The following KIF12 variants were observed in gnomAD, a reference collection of about 807,000 sequenced individuals.
KIF12 encodes kinesin-like protein KIF12.
Under a neutral mutation model 87.9 loss-of-function variants are expected in KIF12, and 80 were observed. The observed-to-expected ratio is 0.91, with a 90% CI of 0.76 to 1.10. The LOEUF (loss-of-function observed/expected upper bound fraction) is 1.10, where lower values mean the gene tolerates loss of function less well. Ranked by LOEUF, KIF12 falls within the 50% of genes least tolerant of loss-of-function variation. The pLI is 0.00. For missense variants in KIF12, 819 were observed against 865.3 expected, an observed-to-expected ratio of 0.95 and a Z score of 0.67; for synonymous variants, 353 against 348.5, an observed-to-expected ratio of 1.01 and a Z score of -0.14.
At chr9:114,098,457 G>C (rs1004194287) in intron 3 of KIF12, 28 bp from the exon 4 acceptor site, 2 of 1,481,716 alleles carry the variant, frequency 1.3e-6, no homozygotes, top group Non-Finnish European at 1.8e-6. Context: ...GAGGAGCGGG[G>C]CACTCTGGAG....
rs1424897136 is a variant in KIF12, at chr9:114,096,496, C to A, written c.647-18G>T. 6.3e-7 allele frequency: 1 copy of A among 1,588,320 alleles called. No individual in the cohort carries two copies. The highest frequency in any genetic ancestry group is 8.6e-7 in the Non-Finnish European group (1 of 1,162,962). The stretch of plus-strand genomic sequence containing the variant: ...GCTGAGACCTGGAAGGGAAAAACAT[C>A]AGGAGCTGGACCTGGTAGGAAGAAC... On this transcript the variant is annotated intron_variant, in intron 7 of 18. Coordinates refer to ENST00000640217, the MANE Select transcript of KIF12 (RefSeq NM_001388308.1).
chr9:114,099,220 A>T (rs1847380609), intron 1 of KIF12, 31 bp downstream of exon 1: 3 of 1,550,362 alleles, frequency 1.9e-6, no homozygotes, highest in Non-Finnish European at 2.6e-6. Context: ...GCTGTTCAGG[A>T]CTCCTCGAAC....
In KIF12 at chr9:114,096,245, C is replaced by A. The variant is rs747909415; in HGVS notation, c.739-38G>T. 4 of 1,610,954 alleles carry A rather than the reference C, an allele frequency of 2.5e-6. No homozygotes were observed. In the Admixed American group the frequency reaches 6.7e-5, roughly 27 times the overall value. On this transcript the variant is annotated intron_variant, in intron 8 of 18. Transcript: ENST00000640217. ...AGCTTCATGGGGACTTGGGAGGGAC[C>A]GTCCCCATCAAAGCCACAAGGTTAT...
In KIF12 at chr9:114,095,051, C is replaced by T. The variant is rs753231060; in HGVS notation, c.1091G>A (p.Arg364Gln). The T allele has an allele frequency of 4.4e-6, 7 of 1,606,520 alleles. No individual in the cohort carries two copies. The highest frequency in any genetic ancestry group is 2.7e-5 in the African/African-American group (2 of 74,846). ...STLRYASRAQ[R>Q]VTTRPQAPKS... Reference sequence around the variant, plus strand: ...GGGGGCCTGTGGTCGGGTGGTGACCCGCTGAGCTCGGCTTGCATATCGCAG... The same window carrying T: ...GGGGGCCTGTGGTCGGGTGGTGACCTGCTGAGCTCGGCTTGCATATCGCAG... The change falls in exon 11 of 19, where the codon CGG becomes CAG. Residue 364 changes from arginine to glutamine, a missense_variant. Physicochemically the swap from Arg to Gln is conservative, Grantham distance 43. Coordinates refer to ENST00000640217, the MANE Select transcript of KIF12 (RefSeq NM_001388308.1).
Position 114,092,562 on chromosome 9 carries a change from A to C in KIF12, c.1677T>G (p.Ser559=). The C allele has an allele frequency of 6.2e-7, 1 of 1,611,180 alleles. No homozygotes were observed. Among genetic ancestry groups the C allele is most frequent in the Non-Finnish European group, 8.5e-7 (1 of 1,179,380 alleles). The change falls in exon 17 of 19, where the codon TCT becomes TCG. Residue 559 remains serine (S), a synonymous_variant. Transcript: ENST00000640217. ...PPWAPPCSPG[S]AKCPRERSHS... is the part of the protein sequence containing the mutation. ...CCCACCTCTCTCTTGGGCACTTGGC[A>C]GAGCCAGGGCTGCATGGGGGTGCCC...
intron 4 of KIF12, 30 bp downstream of exon 4, chr9:114,098,272 G>C: frequency 6.7e-7 from 1 of 1,500,708 alleles, no homozygotes; most frequent in Middle Eastern, 2.3e-4. Context: ...CGCCAGGCCC[G>C]GCGCGGAGCG....
chr9:114,097,779 A>C lies in KIF12; in HGVS notation c.376-38T>G, dbSNP rs759348633. 4.4e-6 allele frequency: 7 copies of C among 1,593,752 alleles called. No individual in the cohort carries two copies. In the African/African-American group the frequency reaches 9.4e-5, roughly 21 times the overall value. On this transcript the variant is annotated intron_variant, in intron 5 of 18. Transcript: ENST00000640217. The stretch of plus-strand genomic sequence containing the variant: ...CCAGCTGAGCCATCGTCATCTCCAC[A>C]GTAATAACTACCCTCTGTAGCGCAT...
At position 114,092,341 on chromosome 9, in the gene KIF12, C is replaced by T; in HGVS notation, c.1808G>A (p.Gly603Glu). Reference protein sequence around the residue: ...LPVRPPKTSPGLRGGAGVPNL... With the variant: ...LPVRPPKTSPELRGGAGVPNL... The stretch of plus-strand genomic sequence containing the variant: ...CTCTCTCCCTTCTTCACCTCTGAGC[C>T]CTGGTGATGTCTTCGGGGGCCTCAC... Residue 603 changes from glycine (G) to glutamate (E), a missense_variant, in exon 18 of 19, where the codon GGG becomes GAG. Physicochemically the swap from Gly to Glu is moderately conservative, Grantham distance 98. Coordinates refer to ENST00000640217, the MANE Select transcript of KIF12 (RefSeq NM_001388308.1). 1 of 1,585,942 alleles carries T rather than the reference C, an allele frequency of 6.3e-7. No homozygotes were observed. The highest frequency in any genetic ancestry group is 8.6e-7 in the Non-Finnish European group (1 of 1,168,130).
chr9:114,093,318 A>G lies in KIF12; in HGVS notation c.1507T>C (p.Tyr503His), dbSNP rs375439857. Residue 503 changes from tyrosine (Y) to histidine (H), a missense_variant, in exon 16 of 19, where the codon TAC becomes CAC. Coordinates refer to ENST00000640217, the MANE Select transcript of KIF12 (RefSeq NM_001388308.1). ...CAGATGTGGCAGCAGGGGCAGGAGT[A>G]GAGGGGTGGCAGTGCCTGCAAAAAG... ...APPCHALPPL[Y>H]SCPCCHICPL... 94 of 1,559,220 alleles carry G rather than the reference A, an allele frequency of 6.0e-5. No individual in the cohort carries two copies. The highest frequency in any genetic ancestry group is 8.0e-5 in the Non-Finnish European group (92 of 1,151,078).
intron 18 of KIF12, 105 bp downstream of exon 18, chr9:114,092,228 C>T (rs979297700): frequency 3.4e-6 from 5 of 1,486,314 alleles, no homozygotes; most frequent in Non-Finnish European, 4.5e-6. Flanking sequence ...AGCCACCTCT[C>T]AACACCCACC....
At chr9:114,092,859 A>T in intron 16 of KIF12, 1 of 1,432,842 alleles carries the variant, frequency 7.0e-7, no homozygotes, top group Non-Finnish European at 9.1e-7. Flanking sequence ...TGAGAGCAGG[A>T]ACCACGTCTG....
At position 114,093,503 on chromosome 9, in the gene KIF12, A is replaced by C. The variant is rs375383270; in HGVS notation, c.1401-6T>G. ...AGCAGGCAGAGAGGAGACGCCTAGA[A>C]AGAACAGCAGGGTCTATGCCTGCAG... On this transcript the variant is annotated splice_polypyrimidine_tract_variant and splice_region_variant and intron_variant, in intron 14 of 18. Transcript: ENST00000640217. 6.4e-7 allele frequency: 1 copy of C among 1,552,872 alleles called. No individual in the cohort carries two copies. Among genetic ancestry groups the C allele is most frequent in the Non-Finnish European group, 8.7e-7 (1 of 1,147,376 alleles).
chr9:114,094,079 A>C (rs1354121879), intron 13 of KIF12, 102 bp downstream of exon 13: 2 of 1,445,204 alleles, frequency 1.4e-6, no homozygotes, highest in African/African-American at 2.8e-5. Flanking sequence ...GCAGGTGGGG[A>C]CATAAGGGAG....
chr9:114,093,414 G>T lies in KIF12; in HGVS notation c.1484C>A (p.Pro495His). 1 of 1,565,556 alleles carries T rather than the reference G, an allele frequency of 6.4e-7. No individual in the cohort carries two copies. ...PCPCLMAPAP[P>H]CHALPPLYSC... ...CTGGGCCGTGAGACTCACATGGCAA[G>T]GGGGAGCTGGGGCCATCAAGCAGGG... Residue 495 changes from proline to histidine, a missense_variant, in exon 15 of 19, where the codon CCT becomes CAT. Physicochemically the swap from Pro to His is moderately conservative, Grantham distance 77. Coordinates refer to ENST00000640217, the MANE Select transcript of KIF12 (RefSeq NM_001388308.1).
In KIF12 at chr9:114,097,347, C is replaced by T. The variant is rs1346816169; in HGVS notation, c.600G>A (p.Val200=). The T allele has an allele frequency of 6.2e-7, 1 of 1,610,576 alleles. No homozygotes were observed. Among genetic ancestry groups the T allele is most frequent in the Non-Finnish European group, 8.5e-7 (1 of 1,179,210 alleles). ...TRGFYVEQLR[V]VEFGSLEALM... ...GGGCCTCCAGACTCCCAAATTCCAC[C>T]ACCCGCAGCTGCTCCACATAGAAGC... The change falls in exon 7 of 19, where the codon GTG becomes GTA. Residue 200 remains valine (V), a synonymous_variant. Coordinates refer to ENST00000640217, the MANE Select transcript of KIF12 (RefSeq NM_001388308.1).
intron 3 of KIF12, 37 bp from the exon 4 acceptor site, chr9:114,098,466 A>G (rs1490254359): frequency 3.7e-5 from 49 of 1,325,556 alleles, no homozygotes; most frequent in Non-Finnish European, 4.5e-5. Context: ...GGCACTCTGG[A>G]GGAGGGCGGG....
intron 7 of KIF12, among the ~76,000 whole-genome samples, chr9:114,096,692 G>A (rs1847246464): frequency 6.6e-6 from 1 of 152,142 alleles, no homozygotes; most frequent in Admixed American, 6.5e-5. Context: ...GCAGAAGAAT[G>A]ACAGTCAGAT....
chr9:114,096,309 C>G, intron 8 of KIF12, 78 bp downstream of exon 8: 1 of 1,596,866 alleles, frequency 6.3e-7, no homozygotes, highest in Non-Finnish European at 8.6e-7. Flanking sequence ...CATGCACACC[C>G]AAGTTGGTTT....
intron 12 of KIF12, 38 bp downstream of exon 12, chr9:114,094,315 C>T (rs1847118344): frequency 6.2e-7 from 1 of 1,610,072 alleles, no homozygotes; most frequent in African/African-American, 1.3e-5. Flanking sequence ...AGCCCCAGAC[C>T]CTATCCCCAT....
Sources: allele counts gnomAD v4.1 joint callset (sites outside exome capture counted in the v4.1 genomes callset), GRCh38; gene constraint gnomAD v4.1.1; transcripts MANE v1.5; gene names NCBI Gene and HGNC (gene_info 2026-07-23, HGNC 2026-07-21).